ZBTB38: variants seen among roughly 807,000 people sequenced by gnomAD.
ZBTB38 encodes zinc finger and BTB domain containing 38, also known as zinc finger and BTB domain-containing protein 38.
ZBTB38 carries 20 observed loss-of-function variants against 76.8 expected under a neutral mutation model. That is an observed-to-expected ratio of 0.26 (90% confidence interval 0.18 to 0.38). The LOEUF is 0.38. Among genes scored for constraint, ZBTB38 ranks in the 10% least tolerant of loss-of-function variants. The pLI is 1.00. For missense variants in ZBTB38, 1,082 were observed against 1,482.3 expected (o/e 0.73, Z 4.43); for synonymous variants, 504 against 544.2 (o/e 0.93, Z 1.03).
At chr3:141,331,852 A>G (rs1942863576) in intron 1 of ZBTB38, among the ~76,000 whole-genome samples, 3 of 152,244 alleles carry the variant, frequency 2.0e-5, no homozygotes, top group Admixed American at 2.0e-4. Context: ...GTGCTTGGAC[A>G]GGATTCTTCT....
intron 1 of ZBTB38, among the ~76,000 whole-genome samples, chr3:141,339,808 G>T (rs928432180): frequency 1.3e-5 from 2 of 152,176 alleles, no homozygotes; most frequent in African/African-American, 2.4e-5. Context: ...AGATAGAAGT[G>T]TTGAATCAGC....
At chr3:141,371,045 C>CTTTCTTTTTTTTTTTTTT (rs1944498561) in intron 2 of ZBTB38, among the ~76,000 whole-genome samples, 2 of 72,006 alleles carry the variant, frequency 2.8e-5, no homozygotes, top group African/African-American at 1.6e-4. Context: ...TTCTTTCTTT[C>CTTTCTTTTTTTTTTTTTT]TTTTTTTTTT....
At chr3:141,432,083 A>C (rs1210639979) in intron 5 of ZBTB38, 17 of 985,284 alleles carry the variant, frequency 1.7e-5, no homozygotes, top group Non-Finnish European at 1.7e-5. Flanking sequence ...ATATACTGTA[A>C]AGATGTGTGT....
At chr3:141,389,449 C>CTTTTTT (rs34802212) in intron 4 of ZBTB38, 1 of 123,818 alleles carries the variant, frequency 8.1e-6, no homozygotes, top group East Asian at 2.4e-4. Context: ...CCTGCAACAC[C>CTTTTTT]TTTTTTTTTT....
At chr3:141,351,624 G>A (rs138653159) in intron 1 of ZBTB38, among the ~76,000 whole-genome samples, 1,769 of 150,508 alleles carry the variant, frequency 0.012, 25 homozygotes, top group South Asian at 0.054. Context: ...TCCTAGTTAC[G>A]TGGGAGACTG....
chr3:141,405,998 G>A (rs1168768471), intron 5 of ZBTB38, among the ~76,000 whole-genome samples: 1 of 152,232 alleles, frequency 6.6e-6, no homozygotes, highest in Non-Finnish European at 1.5e-5. Flanking sequence ...AAGAGATGGA[G>A]AGGAGGCATT....
At chr3:141,360,643 T>A (rs1293576699) in intron 1 of ZBTB38, among the ~76,000 whole-genome samples, 1 of 152,198 alleles carries the variant, frequency 6.6e-6, no homozygotes, top group Non-Finnish European at 1.5e-5. Context: ...GTGAATAAGC[T>A]GTAAGTCCCT....
chr3:141,327,872 G>T (rs1412248239), intron 1 of ZBTB38, among the ~76,000 whole-genome samples: 1 of 152,144 alleles, frequency 6.6e-6, no homozygotes, highest in African/African-American at 2.4e-5. Flanking sequence ...AAAGCTAATT[G>T]CCAGGGAAAC....
At chr3:141,389,116 G>C (rs1163861514) in intron 4 of ZBTB38, 2 of 152,130 alleles carry the variant, frequency 1.3e-5, no homozygotes, top group African/African-American at 4.8e-5. Flanking sequence ...GAACCTTTGT[G>C]GAAATATCTC....
At chr3:141,362,040 T>C (rs1322345030) in intron 1 of ZBTB38, among the ~76,000 whole-genome samples, 1 of 152,212 alleles carries the variant, frequency 6.6e-6, no homozygotes, top group Non-Finnish European at 1.5e-5. Context: ...TCTTTTCTAT[T>C]GTTTTATTTT....
rs748136139 is a variant in ZBTB38 at position 141,443,801 on chromosome 3, C to T, written c.1413C>T (p.Thr471=). ...SCVVCKRSYV[T]LSSLRRHANV... is the part of the protein sequence containing the mutation. ...TTGTGTGCAAACGTAGTTATGTGAC[C>T]TTATCTAGCCTCCGAAGACATGCAA... is the stretch of plus-strand genomic sequence containing the variant. Residue 471 remains threonine, a synonymous_variant, in exon 6 of 6, where the codon ACC becomes ACT. Coordinates refer to ENST00000321464, the MANE Select transcript of ZBTB38 (RefSeq NM_001376113.1). The surrounding 1 kb of genome is among the most constrained non-coding windows in gnomAD (Gnocchi z 5.6). 3.1e-6 allele frequency: 5 copies of T among 1,613,898 alleles called. No homozygotes were observed. In the Admixed American group the frequency reaches 8.3e-5, roughly 27 times the overall value.
In ZBTB38 at chr3:141,448,974, A is replaced by T. The variant is rs1039623568; in HGVS notation, c.*2998A>T. 3 of 152,228 alleles carry T rather than the reference A, an allele frequency of 2.0e-5. No individual in the cohort carries two copies. The highest frequency in any genetic ancestry group is 3.8e-4 in the East Asian group (2 of 5,204). The allele number at this position is 152,228 out of a possible 1,614,324, so 9.4% of individuals were successfully genotyped here. A position where few individuals can be genotyped will look rare whatever the true frequency, so the allele number is the denominator to read the frequency against. On this transcript the variant is annotated 3_prime_UTR_variant, in exon 6 of 6. Coordinates refer to ENST00000321464, the MANE Select transcript of ZBTB38 (RefSeq NM_001376113.1). ...ATCAGAGAATGAAATGCTCTCCAGG[A>T]AGCATTCTGCTCCACTCATCCGTGG...
chr3:141,364,837 T>C (rs1943918625), upstream of ZBTB38, among the ~76,000 whole-genome samples: 1 of 151,834 alleles, frequency 6.6e-6, no homozygotes, highest in Admixed American at 6.6e-5. Context: ...AAAATCACAA[T>C]GAGATATCAC....
intron 1 of ZBTB38, among the ~76,000 whole-genome samples, chr3:141,340,980 A>AAG (rs1943176877): frequency 6.7e-6 from 1 of 148,256 alleles, no homozygotes; most frequent in African/African-American, 2.6e-5. Flanking sequence ...GAAAGAAAGA[A>AAG]AGAAAGAAAG....
In ZBTB38 at chr3:141,443,101, G is replaced by T; in HGVS notation, c.713G>T (p.Arg238Leu). The T allele has an allele frequency of 1.2e-6, 2 of 1,614,230 alleles. No individual in the cohort carries two copies. Among genetic ancestry groups the T allele is most frequent in the African/African-American group, 1.3e-5 (1 of 75,050 alleles). Residue 238 changes from arginine (R) to leucine (L), a missense_variant, in exon 6 of 6, where the codon CGT (arginine) becomes CTT (leucine). Coordinates refer to ENST00000321464, the MANE Select transcript of ZBTB38 (RefSeq NM_001376113.1). The surrounding 1 kb of genome is among the most constrained non-coding windows in gnomAD (Gnocchi z 5.6). ...VAEAYRSQPV[R>L]EHDGSSPGNT... ...GAAGCTTACAGAAGTCAGCCTGTACGTGAACATGATGGCAGTTCACCTGGT... is the reference window on the plus strand; with the variant it reads ...GAAGCTTACAGAAGTCAGCCTGTACTTGAACATGATGGCAGTTCACCTGGT...
chr3:141,364,676 TAAAAAAAAAAAAAAA>T (rs59398877), upstream of ZBTB38, among the ~76,000 whole-genome samples: 13 of 43,416 alleles, frequency 3.0e-4, 1 homozygote, highest in Admixed American at 1.5e-3. Flanking sequence ...AAACTACATC[TAAAAAAAAAAAAAAA>T]AAAAAAAAAA....
chr3:141,328,826 A>G (rs567842343), intron 1 of ZBTB38, among the ~76,000 whole-genome samples: 10 of 152,006 alleles, frequency 6.6e-5, no homozygotes, highest in Non-Finnish European at 1.0e-4. Flanking sequence ...ATGTTCCCAA[A>G]CGCACCTTCT....
chr3:141,409,718 A>G (rs1355075815), intron 5 of ZBTB38, among the ~76,000 whole-genome samples: 2 of 152,194 alleles, frequency 1.3e-5, no homozygotes, highest in Admixed American at 6.5e-5. Context: ...ACACCAATGG[A>G]GTTCCACACT....
intron 1 of ZBTB38, among the ~76,000 whole-genome samples, chr3:141,327,062 A>G (rs1237688786): frequency 6.6e-6 from 1 of 152,248 alleles, no homozygotes; most frequent in South Asian, 2.1e-4. Flanking sequence ...ATTAAGTCCC[A>G]TAAAAGGTCC....
Sources: allele counts gnomAD v4.1 joint callset (sites outside exome capture counted in the v4.1 genomes callset), GRCh38; gene constraint gnomAD v4.1.1; non-coding constraint Gnocchi (gnomAD v3.1); transcripts MANE v1.5; gene names NCBI Gene and HGNC (gene_info 2026-07-23, HGNC 2026-07-21).